Variants in ANKMY2 observed in about 807,000 individuals in gnomAD.
The protein encoded by ANKMY2 is ankyrin repeat and MYND domain containing 2, also known as ankyrin repeat and MYND domain-containing protein 2.
In ANKMY2, 36 loss-of-function variants were observed where a neutral mutation model predicts 50.4. The observed-to-expected ratio is 0.71, with a 90% CI of 0.55 to 0.94. The LOEUF (loss-of-function observed/expected upper bound fraction) is 0.94. Among genes scored for constraint, ANKMY2 ranks in the 40% least tolerant of loss-of-function variants. The probability of loss-of-function intolerance (pLI) is 0.00; values close to 1 mark genes in which losing one functional copy is unlikely to be tolerated. For missense variants in ANKMY2, 565 were observed against 524.0 expected, an observed-to-expected ratio of 1.08 and a Z score of -0.76; for synonymous variants, 187 against 178.8, an observed-to-expected ratio of 1.05 and a Z score of -0.36.
At position 16,629,015 on chromosome 7, in the gene ANKMY2, AATCTCAC is replaced by A. The variant is rs147464562; in HGVS notation, c.133-1844_133-1838del. The stretch of plus-strand genomic sequence containing the variant: ...GCAAAAGAGATATGCAAAACTTTTG[AATCTCAC>A]ATCTCCAACTGTCCTTATTTTCCTG... On this transcript the variant is annotated intron_variant, in intron 2 of 9. Transcript: ENST00000306999. Among the ~76,000 whole-genome samples, 443 of 152,332 alleles carry A rather than the reference AATCTCAC, an allele frequency of 2.9e-3. 2 individuals carry two copies. The highest frequency in any genetic ancestry group is 5.1e-3 in the Non-Finnish European group (349 of 68,026).
intron 5 of ANKMY2, among the ~76,000 whole-genome samples, chr7:16,611,399 C>T (rs138049941): frequency 5.3e-5 from 8 of 152,288 alleles, no homozygotes; most frequent in Admixed American, 1.3e-4. Flanking sequence ...AAATCTTACA[C>T]GTTATGAGTC....
In ANKMY2 at chr7:16,610,655, T is replaced by C. The variant is rs778451355; in HGVS notation, c.640A>G (p.Met214Val). 7.4e-6 allele frequency: 12 copies of C among 1,614,058 alleles called. No homozygotes were observed. Among genetic ancestry groups the C allele is most frequent in the East Asian group, 2.2e-5 (1 of 44,850 alleles). Reference protein sequence around the residue: ...ICEKCMKQRDMNEVLAMKMHY... With the variant: ...ICEKCMKQRDVNEVLAMKMHY... The stretch of plus-strand genomic sequence containing the variant: ...ATCTTCATAGCCAATACTTCATTCA[T>C]GTCTCTTTGCTTCATACATTTCTCA... Residue 214 changes from methionine (M) to valine (V), a missense_variant, in exon 6 of 10, where the codon ATG (methionine) becomes GTG (valine). Transcript: ENST00000306999.
chr7:16,609,614 G>A lies in ANKMY2; in HGVS notation c.882+16C>T, dbSNP rs138923760. On this transcript the variant is annotated intron_variant, in intron 7 of 9. Transcript: ENST00000306999. ...GGTTTTACTGATAGAGTCAACTTAG[G>A]TAAGAGGAGCCTTACAATTTCAACA... 3,563 of 1,590,512 alleles carry A rather than the reference G, an allele frequency of 2.2e-3. 7 individuals carry two copies. The highest frequency in any genetic ancestry group is 2.7e-3 in the Non-Finnish European group (3,122 of 1,173,270).
chr7:16,607,678 TTTTTTTTTTTTTTAA>T, intron 7 of ANKMY2, among the ~76,000 whole-genome samples: 1 of 56,438 alleles, frequency 1.8e-5, no homozygotes, highest in South Asian at 6.6e-4. Flanking sequence ...CTTTTTTTTT[TTTTTTTTTTTTTTAA>T]AGAACTCTGG....
chr7:16,606,595 GAC>G (rs1203234674), intron 7 of ANKMY2, among the ~76,000 whole-genome samples: 2 of 151,956 alleles, frequency 1.3e-5, no homozygotes, highest in African/African-American at 4.8e-5. Flanking sequence ...CCAGCATTTT[GAC>G]ACTCTTTATA....
intron 7 of ANKMY2, among the ~76,000 whole-genome samples, chr7:16,606,256 C>T (rs190882386): frequency 6.6e-6 from 1 of 152,058 alleles, no homozygotes; most frequent in Non-Finnish European, 1.5e-5. Context: ...CTTGGTGAAG[C>T]CCCGACTCTA....
rs1217968623 is a variant in ANKMY2, at chr7:16,645,729, C to T, written c.-156G>A. ...CGCTTCGCTTCTCTCCTCCCTCCCG[C>T]GGGCTGGCGGACAGCGGGCGAGCTC... On this transcript the variant is annotated 5_prime_UTR_variant, in exon 1 of 10. Transcript: ENST00000306999. 3.7e-6 allele frequency: 3 copies of T among 819,766 alleles called. No homozygotes were observed. Among genetic ancestry groups the T allele is most frequent in the Admixed American group, 3.8e-5 (1 of 26,162 alleles). The allele number at this position is 819,766 out of a possible 1,614,324, so 50.8% of individuals were successfully genotyped here.
At chr7:16,615,043 A>G (rs910433690) in intron 5 of ANKMY2, among the ~76,000 whole-genome samples, 7 of 152,348 alleles carry the variant, frequency 4.6e-5, no homozygotes, top group African/African-American at 1.7e-4. Flanking sequence ...GAAATATTTC[A>G]GAATAGCTCT....
chr7:16,615,815 G>C lies in ANKMY2; in HGVS notation c.460C>G (p.Pro154Ala). 1.9e-6 allele frequency: 3 copies of C among 1,614,148 alleles called. No individual in the cohort carries two copies. The highest frequency in any genetic ancestry group is 2.5e-6 in the Non-Finnish European group (3 of 1,180,028). ...CCTGCCAACTTTGGGGGCAGTTTTGGCTCTTTATCCAGTCCCTGGGGCTTA... is the reference window on the plus strand; with the variant it reads ...CCTGCCAACTTTGGGGGCAGTTTTGCCTCTTTATCCAGTCCCTGGGGCTTA... Reference protein sequence around the residue: ...YTKPQGLDKEPKLPPKLAGPL... With the variant: ...YTKPQGLDKEAKLPPKLAGPL... Residue 154 changes from proline to alanine, a missense_variant, in exon 5 of 10, where the codon CCA (proline) becomes GCA (alanine). Coordinates refer to ENST00000306999, the MANE Select transcript of ANKMY2 (RefSeq NM_020319.3).
intron 4 of ANKMY2, among the ~76,000 whole-genome samples, chr7:16,621,695 C>T (rs761741670): frequency 1.2e-4 from 19 of 152,084 alleles, no homozygotes; most frequent in Admixed American, 3.9e-4. Context: ...AATTTCCTGC[C>T]GGGCACAGTG....
chr7:16,602,669 A>G (rs533632239), intron 8 of ANKMY2, among the ~76,000 whole-genome samples, 160 bp from the exon 9 acceptor site: 2 of 152,280 alleles, frequency 1.3e-5, no homozygotes, highest in South Asian at 2.1e-4. Context: ...GTCCCCTCTA[A>G]ATCTCATACT....
chr7:16,612,810 T>C (rs1467327746), intron 5 of ANKMY2, among the ~76,000 whole-genome samples: 1 of 152,160 alleles, frequency 6.6e-6, no homozygotes, highest in Non-Finnish European at 1.5e-5. Flanking sequence ...CCTTCCTTAA[T>C]CTCTGCAGCA....
Position 16,627,090 on chromosome 7 carries a change from C to G in ANKMY2, c.221G>C (p.Cys74Ser). Residue 74 changes from cysteine to serine, a missense_variant, in exon 3 of 10, where the codon TGT (cysteine) becomes TCT (serine). Transcript: ENST00000306999. ...TGTGTATCCATGTTCATGCTGATGACAATTTACATCGGCTCCATGTCGCAG... is the reference window on the plus strand; with the variant it reads ...TGTGTATCCATGTTCATGCTGATGAGAATTTACATCGGCTCCATGTCGCAG... Reference protein sequence around the residue: ...LLLRHGADVNCHQHEHGYTAL... With the variant: ...LLLRHGADVNSHQHEHGYTAL... The G allele has an allele frequency of 6.2e-7, 1 of 1,612,652 alleles. No homozygotes were observed. Among genetic ancestry groups the G allele is most frequent in the Non-Finnish European group, 8.5e-7 (1 of 1,179,274 alleles).
At chr7:16,629,563 A>G (rs1781551203) in intron 2 of ANKMY2, among the ~76,000 whole-genome samples, 1 of 152,076 alleles carries the variant, frequency 6.6e-6, no homozygotes, top group South Asian at 2.1e-4. Flanking sequence ...TGTCTATCCC[A>G]ATCATGTCAT....
At chr7:16,632,563 C>A (rs1192251715) in intron 2 of ANKMY2, among the ~76,000 whole-genome samples, 1 of 152,192 alleles carries the variant, frequency 6.6e-6, no homozygotes, top group African/African-American at 2.4e-5. Context: ...AAGGTTGATG[C>A]ATGTTGTAGC....
intron 2 of ANKMY2, among the ~76,000 whole-genome samples, chr7:16,630,135 A>G (rs1781561995): frequency 6.6e-6 from 1 of 152,204 alleles, no homozygotes; most frequent in South Asian, 2.1e-4. Context: ...ATCAGACAGA[A>G]TACTAAATGT....
At chr7:16,603,125 T>A (rs919496680) in intron 8 of ANKMY2, among the ~76,000 whole-genome samples, 2 of 152,206 alleles carry the variant, frequency 1.3e-5, no homozygotes, top group Admixed American at 1.3e-4. Flanking sequence ...AATGAATATA[T>A]AACAAACAGT....
intron 4 of ANKMY2, among the ~76,000 whole-genome samples, chr7:16,622,638 G>A (rs1203628264): frequency 6.6e-6 from 1 of 152,058 alleles, no homozygotes; most frequent in Non-Finnish European, 1.5e-5. Context: ...TAGTTGGGAG[G>A]CTGAGGCAGG....
At chr7:16,632,211 T>C (rs116731736) in intron 2 of ANKMY2, among the ~76,000 whole-genome samples, 1,925 of 151,512 alleles carry the variant, frequency 0.013, 27 homozygotes, top group African/African-American at 0.045. Context: ...TTTAAGTTGA[T>C]AATTTTTACT....
Sources: allele counts gnomAD v4.1 joint callset (sites outside exome capture counted in the v4.1 genomes callset), GRCh38; gene constraint gnomAD v4.1.1; transcripts MANE v1.5; gene names NCBI Gene and HGNC (gene_info 2026-07-23, HGNC 2026-07-21).